THAP1: variants seen among roughly 807,000 people sequenced by gnomAD.
THAP1 encodes THAP domain-containing protein 1.
Under a neutral mutation model 18.2 loss-of-function variants are expected in THAP1, and 6 were observed. The observed-to-expected ratio is 0.33, with a 90% CI of 0.18 to 0.65. The LOEUF is 0.65. THAP1 is among the 30% of genes least tolerant of loss of function. THAP1 has a pLI of 0.74. For missense variants in THAP1, 176 were observed against 253.0 expected (o/e 0.70, Z 2.06); for synonymous variants, 85 against 90.5 (o/e 0.94, Z 0.34).
intron 1 of THAP1, among the ~76,000 whole-genome samples, chr8:42,839,927 C>A (rs867938040): frequency 2.0e-5 from 3 of 152,150 alleles, no homozygotes; most frequent in African/African-American, 7.2e-5. Flanking sequence ...AATGTGCCCA[C>A]GGCTCATGCC....
Position 42,839,193 on chromosome 8 carries a change from T to C in THAP1, c.260A>G (p.His87Arg), listed in dbSNP as rs1392867750. Residue 87 changes from histidine (H) to arginine (R), a missense_variant, in exon 2 of 3, where the codon CAT (histidine) becomes CGT (arginine). By Grantham distance (29) the His-to-Arg change is conservative. Coordinates refer to ENST00000254250, the MANE Select transcript of THAP1 (RefSeq NM_018105.3). ...TTTTAAAATGCATATTACCTTGTCA[T>C]GTGGCTCAGTACAAAGAAATATTGT... ...VPTIFLCTEP[H>R]DKKEDLLEPQ... 26 of 1,614,076 alleles carry C rather than the reference T, an allele frequency of 1.6e-5. No individual in the cohort carries two copies. Among genetic ancestry groups the C allele is most frequent in the South Asian group, 4.4e-5 (4 of 91,088 alleles).
At chr8:42,840,430 G>C (rs1418878699) in intron 1 of THAP1, among the ~76,000 whole-genome samples, 1 of 152,196 alleles carries the variant, frequency 6.6e-6, no homozygotes, top group African/African-American at 2.4e-5. Flanking sequence ...CGGGGATAGT[G>C]AGAGTTTACA....
intron 1 of THAP1, among the ~76,000 whole-genome samples, chr8:42,839,705 C>G (rs1802681628): frequency 6.6e-6 from 1 of 152,158 alleles, no homozygotes. Context: ...CGCCACCACG[C>G]CCAGCTAAGT....
chr8:42,838,404 GA>G, intron 2 of THAP1, 68 bp from the exon 3 acceptor site: 3 of 1,590,940 alleles, frequency 1.9e-6, no homozygotes, highest in Non-Finnish European at 2.6e-6. Context: ...TCTGTGGACT[GA>G]CCAGGCGCAG....
At chr8:42,840,915 T>C (rs1475190813) in intron 1 of THAP1, among the ~76,000 whole-genome samples, 1 of 137,558 alleles carries the variant, frequency 7.3e-6, no homozygotes, top group Admixed American at 8.4e-5. Flanking sequence ...TGCACTGAGC[T>C]GAGATCGTGC....
intron 1 of THAP1, among the ~76,000 whole-genome samples, chr8:42,840,463 T>C (rs1465814226): frequency 1.3e-5 from 2 of 152,206 alleles, no homozygotes; most frequent in African/African-American, 4.8e-5. Context: ...ATTTTACTCT[T>C]CCAAGTTAAG....
In THAP1 at chr8:42,842,937, C is replaced by CACGCGCCTGGCT. The variant is rs1050266665; in HGVS notation, c.71+75_71+86dup. On this transcript the variant is annotated intron_variant, in intron 1 of 2. Coordinates refer to ENST00000254250, the MANE Select transcript of THAP1 (RefSeq NM_018105.3). Reference sequence around the variant, plus strand: ...AGACCCCACCCGCCCCTCGCGCGGACACGCGCCTGGCTCCGCCCCCGGCCC... The same window carrying CACGCGCCTGGCT: ...AGACCCCACCCGCCCCTCGCGCGGACACGCGCCTGGCTACGCGCCTGGCTCCGCCCCCGGCCC... 3.6e-6 allele frequency: 4 copies of CACGCGCCTGGCT among 1,118,938 alleles called. No individual in the cohort carries two copies. The African/African-American group carries it at 5.0e-5, about 14-fold the overall frequency. 69.3% of individuals were successfully genotyped at this position (1,118,938 alleles called of 1,614,324 possible).
rs1802755538 is a variant in THAP1, at chr8:42,843,007, G to A, written c.71+17C>T. The A allele has an allele frequency of 1.2e-6, 2 of 1,606,300 alleles. No homozygotes were observed. The highest frequency in any genetic ancestry group is 1.7e-6 in the Non-Finnish European group (2 of 1,175,848). On this transcript the variant is annotated intron_variant, in intron 1 of 2. Transcript: ENST00000254250. ...CCCCGGCTGAGACCGGCCCCGCGAG[G>A]CGCGCAGGGTCCTCACTTGTGGAAA... is the stretch of plus-strand genomic sequence containing the variant.
In THAP1 at chr8:42,838,313, C is replaced by G; in HGVS notation, c.291G>C (p.Gln97His). 6.2e-7 allele frequency: 1 copy of G among 1,613,960 alleles called. No homozygotes were observed. Among genetic ancestry groups the G allele is most frequent in the South Asian group, 1.1e-5 (1 of 91,076 alleles). ...HDKKEDLLEP[Q>H]EQLPPPPLPP... The stretch of plus-strand genomic sequence containing the variant: ...GTAAAGGAGGTGGGGGAAGCTGTTC[C>G]TGTGGCTCCAGAAGATCTTCTTTCT... The change falls in exon 3 of 3, where the codon CAG becomes CAC. Residue 97 changes from glutamine to histidine, a missense_variant. By Grantham distance (24) the Gln-to-His change is conservative. Coordinates refer to ENST00000254250, the MANE Select transcript of THAP1 (RefSeq NM_018105.3).
rs761774859 is a variant in THAP1, at chr8:42,837,955, C to T, written c.*7G>A. The T allele has an allele frequency of 6.2e-7, 1 of 1,611,760 alleles. No individual in the cohort carries two copies. The highest frequency in any genetic ancestry group is 2.2e-5 in the East Asian group (1 of 44,884). ...CCCCATTAGAAATCAATACACATTT[C>T]ATTTTTTTATGCTGGTACTTCAACT... On this transcript the variant is annotated 3_prime_UTR_variant, in exon 3 of 3. Transcript: ENST00000254250.
At position 42,839,336 on chromosome 8, in the gene THAP1, A is replaced by G. The variant is rs1586457076; in HGVS notation, c.117T>C (p.Ala39=). Residue 39 remains alanine, a synonymous_variant, in exon 2 of 3, where the codon GCT becomes GCC. Transcript: ENST00000254250. ...TGGGTTTAAAGTTTTTTCTTCTGAC[A>G]GCTGCCTCCCATTCTTTACAAAGAC... ...RPSLCKEWEA[A]VRRKNFKPTK... 6 of 1,614,060 alleles carry G rather than the reference A, an allele frequency of 3.7e-6. No individual in the cohort carries two copies. In the South Asian group the frequency reaches 5.5e-5, roughly 15 times the overall value.
Position 42,839,371 on chromosome 8 carries a change from T to C in THAP1, c.82A>G (p.Thr28Ala). ...KPVSFHKFPL[T>A]RPSLCKEWEA... ...CATTCTTTACAAAGACTGGGTCGAG[T>C]AAGAGGAAACCTAAGAAGAAGGCAT... The change falls in exon 2 of 3, where the codon ACT becomes GCT. Residue 28 changes from threonine (T) to alanine (A), a missense_variant. Coordinates refer to ENST00000254250, the MANE Select transcript of THAP1 (RefSeq NM_018105.3). 2 of 1,613,958 alleles carry C rather than the reference T, an allele frequency of 1.2e-6. No homozygotes were observed. The highest frequency in any genetic ancestry group is 1.3e-5 in the African/African-American group (1 of 75,032).
chr8:42,837,810 T>G lies in THAP1; in HGVS notation c.*152A>C. 9.9e-6 allele frequency: 7 copies of G among 705,250 alleles called. No individual in the cohort carries two copies. Among genetic ancestry groups the G allele is most frequent in the Non-Finnish European group, 1.4e-5 (7 of 503,440 alleles). The allele number at this position is 705,250 out of a possible 1,614,324, so 43.7% of individuals were successfully genotyped here. On this transcript the variant is annotated 3_prime_UTR_variant, in exon 3 of 3. Coordinates refer to ENST00000254250, the MANE Select transcript of THAP1 (RefSeq NM_018105.3). Reference sequence around the variant, plus strand: ...AATTACAAACAAAAAAATTTATAATTTTACAGTATATATAGAATTTTTTTT... The same window carrying G: ...AATTACAAACAAAAAAATTTATAATGTTACAGTATATATAGAATTTTTTTT...
At chr8:42,842,050 G>C (rs1488682398) in intron 1 of THAP1, among the ~76,000 whole-genome samples, 1 of 152,134 alleles carries the variant, frequency 6.6e-6, no homozygotes, top group Non-Finnish European at 1.5e-5. Context: ...AATTATAAAA[G>C]ATAATTAGCT....
chr8:42,837,892 A>T lies in THAP1; in HGVS notation c.*70T>A. ...TAATCAAATGTTATTTTTTTAAATGAAACTCCTTTACAGGCTAGAGGAGGA... is the reference window on the plus strand; with the variant it reads ...TAATCAAATGTTATTTTTTTAAATGTAACTCCTTTACAGGCTAGAGGAGGA... On this transcript the variant is annotated 3_prime_UTR_variant, in exon 3 of 3. Transcript: ENST00000254250. 1 of 1,525,848 alleles carries T rather than the reference A, an allele frequency of 6.6e-7. No homozygotes were observed. Among genetic ancestry groups the T allele is most frequent in the Non-Finnish European group, 8.8e-7 (1 of 1,137,494 alleles). The allele number at this position is 1,525,848 out of a possible 1,614,324, so 94.5% of individuals were successfully genotyped here.
rs2128918349 is a variant in THAP1, at chr8:42,837,502, A to ATG, written c.*458_*459dup. 6.5e-6 allele frequency: 1 copy of ATG among 153,380 alleles called. No individual in the cohort carries two copies. Among genetic ancestry groups the ATG allele is most frequent in the Admixed American group, 6.5e-5 (1 of 15,318 alleles). 9.5% of individuals were successfully genotyped at this position (153,380 alleles called of 1,614,324 possible). A position where few individuals can be genotyped will look rare whatever the true frequency, so the allele number is the denominator to read the frequency against. ...ACTTTACATATGAGAATATGTACAT[A>ATG]TGTATATATATATTCTAAGAAGTTA... On this transcript the variant is annotated 3_prime_UTR_variant, in exon 3 of 3. Coordinates refer to ENST00000254250, the MANE Select transcript of THAP1 (RefSeq NM_018105.3).
Position 42,843,170 on chromosome 8 carries a change from G to T in THAP1, c.-76C>A. On this transcript the variant is annotated 5_prime_UTR_variant, in exon 1 of 3. Coordinates refer to ENST00000254250, the MANE Select transcript of THAP1 (RefSeq NM_018105.3). ...GCTGTTCTCAGTGTCGCTGCGCTCG[G>T]TTGGATTCCCTCGCTTCTTTTGTAG... 6.4e-7 allele frequency: 1 copy of T among 1,570,698 alleles called. No homozygotes were observed. The highest frequency in any genetic ancestry group is 1.1e-5 in the South Asian group (1 of 90,244).
At chr8:42,841,589 C>T (rs1802719307) in intron 1 of THAP1, among the ~76,000 whole-genome samples, 2 of 152,142 alleles carry the variant, frequency 1.3e-5, no homozygotes. Flanking sequence ...CGTGCCTCGA[C>T]AAAAACAGTT....
At position 42,837,772 on chromosome 8, in the gene THAP1, G is replaced by T. The variant is rs141658821; in HGVS notation, c.*190C>A. On this transcript the variant is annotated 3_prime_UTR_variant, in exon 3 of 3. Transcript: ENST00000254250. ...AACTTTTAAAATATTTTGTTAAAAT[G>T]TAAAAAACCTGAAATTACAAACAAA... 688 of 479,086 alleles carry T rather than the reference G, an allele frequency of 1.4e-3. 2 individuals carry two copies. The highest frequency in any genetic ancestry group is 0.012 in the East Asian group (285 of 24,492). The allele number at this position is 479,086 out of a possible 1,614,324, so 29.7% of individuals were successfully genotyped here.
Sources: gnomAD v4.1 joint callset for allele counts (sites outside exome capture counted in the v4.1 genomes callset) on GRCh38, gnomAD v4.1.1 for gene constraint, MANE v1.5 for transcripts, NCBI Gene and HGNC (gene_info 2026-07-23, HGNC 2026-07-21) for gene names.